The following CTNNA3 variants were observed in gnomAD, a reference collection of about 807,000 sequenced individuals.
CTNNA3 encodes catenin alpha-3.
A neutral mutation model predicts 95.7 loss-of-function variants in CTNNA3; 76 were observed. The ratio of observed to expected loss-of-function variants is 0.79; its 90% CI spans 0.66 to 0.96. The LOEUF is 0.96. CTNNA3 is among the 40% of genes least tolerant of loss of function. The probability of loss-of-function intolerance (pLI) is 0.00; values close to 1 mark genes in which losing one functional copy is unlikely to be tolerated. For missense variants in CTNNA3, 1,191 were observed against 1,089.8 expected (o/e 1.09, Z -1.31); for synonymous variants, 431 against 374.4 (o/e 1.15, Z -1.74).
At chr10:67,161,540 A>C (rs1861551003) in intron 7 of CTNNA3, among the ~76,000 whole-genome samples, 1 of 151,976 alleles carries the variant, frequency 6.6e-6, no homozygotes, top group Admixed American at 6.5e-5. Flanking sequence ...ATATATACTC[A>C]AAAATACTAT....
At chr10:67,280,922 T>C (rs967181577) in intron 5 of CTNNA3, among the ~76,000 whole-genome samples, 4 of 152,212 alleles carry the variant, frequency 2.6e-5, no homozygotes, top group African/African-American at 9.6e-5. Flanking sequence ...AACTTTTGTG[T>C]CTTTTTCTCC....
At chr10:67,691,198 A>G (rs921437182) in intron 1 of CTNNA3, among the ~76,000 whole-genome samples, 9 of 152,126 alleles carry the variant, frequency 5.9e-5, no homozygotes, top group African/African-American at 2.2e-4. Flanking sequence ...TCAGTGCTCA[A>G]TGGTGCCCAG....
At chr10:66,557,023 T>C (rs899924305) in intron 10 of CTNNA3, among the ~76,000 whole-genome samples, 3 of 152,096 alleles carry the variant, frequency 2.0e-5, no homozygotes, top group Admixed American at 1.3e-4. Context: ...TGTTAGCATT[T>C]AAAATAATAC....
At chr10:66,452,239 A>G (rs958802440) in intron 11 of CTNNA3, among the ~76,000 whole-genome samples, 2 of 152,136 alleles carry the variant, frequency 1.3e-5, no homozygotes, top group African/African-American at 4.8e-5. Context: ...TTCATATCCC[A>G]TTTATATTAT....
At chr10:67,444,435 C>T (rs893356904) in intron 5 of CTNNA3, among the ~76,000 whole-genome samples, 7 of 151,552 alleles carry the variant, frequency 4.6e-5, no homozygotes, top group East Asian at 3.9e-4. Context: ...ATGCCTACAT[C>T]GAAAAAGAAG....
chr10:65,944,885 T>TATC (rs770804675), intron 17 of CTNNA3, among the ~76,000 whole-genome samples: 5 of 148,836 alleles, frequency 3.4e-5, no homozygotes, highest in Non-Finnish European at 7.5e-5. Context: ...TCTATCTATC[T>TATC]ATCTATCTAT....
rs547502706 is a variant in CTNNA3 at position 66,603,846 on chromosome 10, T to C, written c.1374+17846A>G. On this transcript the variant is annotated intron_variant, in intron 10 of 17. Transcript: ENST00000433211. ...CATCAGGGAAAGACAGTCTCTTTAA[T>C]AAATGGTGCTGAGAATATTGTATAT... Among the ~76,000 whole-genome samples the C allele has an allele frequency of 7.2e-5, 11 of 152,282 alleles. 1 individual carries two copies. The highest frequency in any genetic ancestry group is 1.0e-4 in the Non-Finnish European group (7 of 68,014).
intron 13 of CTNNA3, among the ~76,000 whole-genome samples, chr10:66,219,847 G>A (rs546186445): frequency 6.6e-6 from 1 of 152,132 alleles, no homozygotes; most frequent in South Asian, 2.1e-4. Flanking sequence ...ATAAAGGCTG[G>A]GTGCAGTGGC....
intron 7 of CTNNA3, among the ~76,000 whole-genome samples, chr10:66,782,110 T>C (rs1840560214): frequency 6.6e-6 from 1 of 152,162 alleles, no homozygotes; most frequent in African/African-American, 2.4e-5. Context: ...CTCCATCACC[T>C]GACAGCTTTA....
At position 66,253,264 on chromosome 10, in the gene CTNNA3, G is replaced by A. The variant is rs529307179; in HGVS notation, c.1884+27206C>T. On this transcript the variant is annotated intron_variant, in intron 13 of 17. Coordinates refer to ENST00000433211, the MANE Select transcript of CTNNA3 (RefSeq NM_013266.4). ...AACACCCCTATCATTACCACCAAGT[G>A]CAAATGCACATTAATATTCTATGTA... Among the ~76,000 whole-genome samples, 343 of 152,146 alleles carry A rather than the reference G, an allele frequency of 2.3e-3. 1 individual carries two copies. The highest frequency in any genetic ancestry group is 2.6e-3 in the Non-Finnish European group (178 of 68,016).
rs533675344 is a variant in CTNNA3, at chr10:66,837,225, C to T, written c.1048-61701G>A. ...GCAACATCAGAAAGTTTCACCACTA[C>T]GAACAACAGAATAACCATCACAAGC... On this transcript the variant is annotated intron_variant, in intron 7 of 17. Coordinates refer to ENST00000433211, the MANE Select transcript of CTNNA3 (RefSeq NM_013266.4). 7.9e-5 allele frequency among the ~76,000 whole-genome samples: 12 copies of T among 152,228 alleles called. No homozygotes were observed. The South Asian group carries it at 1.0e-3, about 13-fold the overall frequency.
intron 16 of CTNNA3, among the ~76,000 whole-genome samples, chr10:65,977,560 G>A (rs1383111133): frequency 2.0e-5 from 3 of 151,990 alleles, no homozygotes; most frequent in Admixed American, 2.0e-4. Context: ...GCAGGCAGAT[G>A]ACCTGAGGTC....
At chr10:66,360,821 CTTT>C (rs1564897401) in intron 12 of CTNNA3, among the ~76,000 whole-genome samples, 564 of 53,926 alleles carry the variant, frequency 0.01, 28 homozygotes, top group African/African-American at 0.059. Flanking sequence ...TCCTTCCTTT[CTTT>C]CTTTCTTTCT....
intron 5 of CTNNA3, among the ~76,000 whole-genome samples, chr10:67,482,717 T>A (rs949273259): frequency 4.6e-5 from 7 of 152,144 alleles, no homozygotes; most frequent in Admixed American, 6.6e-5. Context: ...GACTTCCTCT[T>A]TTCCTAATTG....
chr10:67,040,192 A>T (rs1261905632), intron 7 of CTNNA3, among the ~76,000 whole-genome samples: 1 of 152,038 alleles, frequency 6.6e-6, no homozygotes, highest in Non-Finnish European at 1.5e-5. Context: ...GGTGCCCTTT[A>T]ATGTTCTGAA....
chr10:67,270,485 T>G (rs1472327500), intron 5 of CTNNA3, among the ~76,000 whole-genome samples: 1 of 152,162 alleles, frequency 6.6e-6, no homozygotes, highest in African/African-American at 2.4e-5. Context: ...AAAATAGTAC[T>G]TAAGTTAATA....
At chr10:65,974,090 C>T (rs2078162837) in intron 16 of CTNNA3, among the ~76,000 whole-genome samples, 1 of 152,136 alleles carries the variant, frequency 6.6e-6, no homozygotes, top group Admixed American at 6.6e-5. Context: ...TCAAATACAA[C>T]AGATGCTGGT....
chr10:67,192,354 T>C (rs1415925411), intron 6 of CTNNA3, among the ~76,000 whole-genome samples: 3 of 151,852 alleles, frequency 2.0e-5, no homozygotes, highest in Non-Finnish European at 4.4e-5. Flanking sequence ...GACCATGTAT[T>C]CAATAAGGAG....
intron 10 of CTNNA3, among the ~76,000 whole-genome samples, chr10:66,573,393 T>A (rs1484669790): frequency 2.6e-5 from 4 of 152,190 alleles, no homozygotes; most frequent in Non-Finnish European, 5.9e-5. Flanking sequence ...TAGCTTCAGG[T>A]AACACAGCTG....
Sources: allele counts gnomAD v4.1 joint callset (sites outside exome capture counted in the v4.1 genomes callset), GRCh38; gene constraint gnomAD v4.1.1; transcripts MANE v1.5; gene names NCBI Gene and HGNC (gene_info 2026-07-23, HGNC 2026-07-21).